The following GRID2 variants were observed in gnomAD, a reference collection of about 807,000 sequenced individuals.
GRID2 encodes glutamate receptor ionotropic, delta-2.
A neutral mutation model predicts 114.8 loss-of-function variants in GRID2; 33 were observed. The observed-to-expected ratio is 0.29, with a 90% confidence interval of 0.22 to 0.38. The LOEUF (loss-of-function observed/expected upper bound fraction) is 0.38. GRID2 is among the 10% of genes least tolerant of loss of function. The pLI is 1.00. For missense variants in GRID2, 1,184 were observed against 1,257.7 expected, an observed-to-expected ratio of 0.94 and a Z score of 0.89; for synonymous variants, 505 against 449.9, an observed-to-expected ratio of 1.12 and a Z score of -1.55.
chr4:92,657,430 C>T (rs144061752), intron 2 of GRID2, among the ~76,000 whole-genome samples: 49 of 151,348 alleles, frequency 3.2e-4, no homozygotes, highest in Admixed American at 1.2e-3. Flanking sequence ...ACCAAATATG[C>T]GTATACTCGT....
chr4:93,242,709 GGA>G (rs1339851089), intron 8 of GRID2, among the ~76,000 whole-genome samples: 2 of 151,866 alleles, frequency 1.3e-5, no homozygotes, highest in African/African-American at 4.8e-5. Context: ...TTATGTTTGG[GGA>G]GAGAGAGAAC....
At chr4:92,978,132 G>T in intron 2 of GRID2, among the ~76,000 whole-genome samples, 1 of 152,136 alleles carries the variant, frequency 6.6e-6, no homozygotes, top group African/African-American at 2.4e-5. Flanking sequence ...TATGGAAAGG[G>T]CACACATGAA....
intron 13 of GRID2, among the ~76,000 whole-genome samples, chr4:93,577,510 C>A (rs796386767): frequency 2.9e-4 from 44 of 152,292 alleles, no homozygotes; most frequent in African/African-American, 9.4e-4. Context: ...CATTGTCATG[C>A]ATGTATTAAA....
At chr4:92,627,852 T>C (rs1396260523) in intron 2 of GRID2, among the ~76,000 whole-genome samples, 5 of 152,126 alleles carry the variant, frequency 3.3e-5, no homozygotes, top group Non-Finnish European at 4.4e-5. Flanking sequence ...AAGCTCTGAT[T>C]TGTAGTGTTT....
intron 2 of GRID2, among the ~76,000 whole-genome samples, chr4:92,978,484 TG>T (rs1247046894): frequency 6.6e-6 from 1 of 152,078 alleles, no homozygotes; most frequent in East Asian, 2.0e-4. Flanking sequence ...TTTCCATTTT[TG>T]CTGCTGTTGT....
At chr4:93,742,129 T>A (rs1731476282) in intron 14 of GRID2, among the ~76,000 whole-genome samples, 1 of 152,172 alleles carries the variant, frequency 6.6e-6, no homozygotes, top group Non-Finnish European at 1.5e-5. Context: ...ATTTTTATTG[T>A]CAATGTCATC....
intron 13 of GRID2, among the ~76,000 whole-genome samples, chr4:93,616,835 A>G (rs139889100): frequency 0.022 from 3,264 of 151,344 alleles, 53 homozygotes; most frequent in Non-Finnish European, 0.028. Context: ...TACTAAACAA[A>G]ATACAAAAAA....
At chr4:93,001,881 A>G (rs560363977) in intron 2 of GRID2, among the ~76,000 whole-genome samples, 74 of 151,806 alleles carry the variant, frequency 4.9e-4, no homozygotes, top group African/African-American at 1.6e-3. Context: ...TTCATATTTT[A>G]TTTTGTATAT....
intron 1 of GRID2, among the ~76,000 whole-genome samples, chr4:93,785,848 GA>G (rs1734580506): frequency 6.6e-6 from 1 of 152,156 alleles, no homozygotes; most frequent in African/African-American, 2.4e-5. Context: ...AGGAAGGAAA[GA>G]GGTGGAAAGA....
At chr4:93,367,913 T>C (rs1762495498) in intron 8 of GRID2, among the ~76,000 whole-genome samples, 4 of 152,108 alleles carry the variant, frequency 2.6e-5, no homozygotes, top group African/African-American at 9.7e-5. Flanking sequence ...GTTGATTAAA[T>C]TAGAGCAGAA....
intron 13 of GRID2, among the ~76,000 whole-genome samples, chr4:93,541,848 A>C (rs1007229590): frequency 4.6e-5 from 7 of 152,220 alleles, no homozygotes; most frequent in African/African-American, 1.7e-4. Context: ...TTAATTACTC[A>C]ATATCGCCCT....
intron 13 of GRID2, among the ~76,000 whole-genome samples, chr4:93,539,453 A>G (rs1185251228): frequency 6.6e-6 from 1 of 151,964 alleles, no homozygotes; most frequent in Non-Finnish European, 1.5e-5. Flanking sequence ...AAATGTGCCC[A>G]GTATTCTATT....
chr4:93,591,547 G>C (rs1246131465), intron 13 of GRID2, among the ~76,000 whole-genome samples: 1 of 152,144 alleles, frequency 6.6e-6, no homozygotes, highest in Admixed American at 6.6e-5. Flanking sequence ...CCGGGCTTTG[G>C]TATCAGAATG....
intron 1 of GRID2, among the ~76,000 whole-genome samples, chr4:92,469,634 AT>A (rs1410913177): frequency 1.3e-5 from 2 of 152,046 alleles, no homozygotes; most frequent in Non-Finnish European, 2.9e-5. Context: ...CAGAAGGCCG[AT>A]TGTAACCGAT....
chr4:93,515,485 GTTTT>G (rs201037053), intron 13 of GRID2, 74 bp downstream of exon 13: 1 of 982,358 alleles, frequency 1.0e-6, no homozygotes, highest in Non-Finnish European at 1.5e-6. Context: ...GTTGAGATTT[GTTTT>G]TTTTGTTTTG....
chr4:92,894,899 G>A (rs924790625), intron 2 of GRID2, among the ~76,000 whole-genome samples: 1 of 151,968 alleles, frequency 6.6e-6, no homozygotes, highest in Non-Finnish European at 1.5e-5. Context: ...TCTTGGGCAG[G>A]TCAAGGGGAG....
At chr4:92,956,544 G>A (rs1752424833) in intron 2 of GRID2, among the ~76,000 whole-genome samples, 2 of 151,984 alleles carry the variant, frequency 1.3e-5, no homozygotes, top group Non-Finnish European at 2.9e-5. Context: ...CTCTCTAGAT[G>A]TGCCATAATT....
chr4:92,917,136 C>T (rs558527188), intron 2 of GRID2, among the ~76,000 whole-genome samples: 2 of 152,166 alleles, frequency 1.3e-5, no homozygotes, highest in African/African-American at 4.8e-5. Context: ...TTTCATGTGT[C>T]TTTTGGCGGA....
intron 1 of GRID2, among the ~76,000 whole-genome samples, chr4:92,541,489 T>TAAG (rs1725950112): frequency 6.6e-6 from 1 of 151,786 alleles, no homozygotes; most frequent in Non-Finnish European, 1.5e-5. Flanking sequence ...TTTCCAATAA[T>TAAG]AATAATAATA....
Sources: allele counts gnomAD v4.1 joint callset (sites outside exome capture counted in the v4.1 genomes callset), GRCh38; gene constraint gnomAD v4.1.1; transcripts MANE v1.5; gene names NCBI Gene and HGNC (gene_info 2026-07-23, HGNC 2026-07-21).